Variants in PKN2 observed in about 807,000 individuals in gnomAD.
PKN2 encodes the protein protein kinase N2.
Under a neutral mutation model 119.1 loss-of-function variants are expected in PKN2, and 38 were observed. That is an observed-to-expected ratio of 0.32 (90% CI 0.25 to 0.42). PKN2 has a LOEUF of 0.42. Among genes scored for constraint, PKN2 ranks in the 10% least tolerant of loss-of-function variants. The probability of loss-of-function intolerance (pLI) is 1.00; values close to 1 mark genes in which losing one functional copy is unlikely to be tolerated. For synonymous variants in PKN2, 390 were observed against 384.9 expected (o/e 1.01, Z -0.15); for missense variants, 850 against 1,165.1 (o/e 0.73, Z 3.94).
At chr1:88,755,974 G>A (rs892819001) in intron 2 of PKN2, among the ~76,000 whole-genome samples, 7 of 150,048 alleles carry the variant, frequency 4.7e-5, no homozygotes, top group Non-Finnish European at 7.4e-5. Flanking sequence ...GTTCAGTGGC[G>A]CAATCTCCGC....
intron 1 of PKN2, among the ~76,000 whole-genome samples, chr1:88,728,378 A>T (rs1337311296): frequency 6.6e-6 from 1 of 152,142 alleles, no homozygotes; most frequent in Non-Finnish European, 1.5e-5. Flanking sequence ...AAGGAAAATA[A>T]ATACTACTTT....
At chr1:88,763,988 C>A (rs1669555991) in intron 3 of PKN2, among the ~76,000 whole-genome samples, 1 of 152,120 alleles carries the variant, frequency 6.6e-6, no homozygotes, top group African/African-American at 2.4e-5. Flanking sequence ...TAAATTATTA[C>A]CCTTGTGCAT....
intron 8 of PKN2, among the ~76,000 whole-genome samples, chr1:88,801,605 T>C (rs768379096): frequency 3.9e-5 from 6 of 152,114 alleles, no homozygotes; most frequent in African/African-American, 9.7e-5. Flanking sequence ...CTCCCACTTA[T>C]GTTGTGAAGA....
chr1:88,790,039 A>G (rs1249394345), intron 8 of PKN2, among the ~76,000 whole-genome samples: 1 of 151,926 alleles, frequency 6.6e-6, no homozygotes, highest in Non-Finnish European at 1.5e-5. Flanking sequence ...CTCTGAAACA[A>G]CTCTATGTAA....
At chr1:88,700,721 T>C (rs2100663614) in intron 1 of PKN2, among the ~76,000 whole-genome samples, 1 of 152,350 alleles carries the variant, frequency 6.6e-6, no homozygotes, top group Non-Finnish European at 1.5e-5. Context: ...CGTAAAACTA[T>C]GATCAAATAA....
At chr1:88,753,742 A>G (rs1190446942) in intron 2 of PKN2, among the ~76,000 whole-genome samples, 1 of 149,184 alleles carries the variant, frequency 6.7e-6, no homozygotes, top group Admixed American at 6.6e-5. Context: ...TGAGAACAGC[A>G]CCAAGGGGAT....
intron 1 of PKN2, among the ~76,000 whole-genome samples, chr1:88,723,409 T>TA (rs1667773071): frequency 8.6e-5 from 8 of 92,938 alleles, no homozygotes; most frequent in African/African-American, 3.0e-4. Context: ...CACCGTGCCC[T>TA]GCCCCCCCCC....
chr1:88,816,282 C>T (rs1208639140), intron 16 of PKN2, among the ~76,000 whole-genome samples: 2 of 151,960 alleles, frequency 1.3e-5, no homozygotes, highest in African/African-American at 4.8e-5. Flanking sequence ...AGTCTTGCTC[C>T]GTCTCCCAGG....
At chr1:88,747,061 A>T (rs148206607) in intron 2 of PKN2, among the ~76,000 whole-genome samples, 151 of 152,278 alleles carry the variant, frequency 9.9e-4, no homozygotes, top group African/African-American at 3.6e-3. Flanking sequence ...AAATTCATTG[A>T]CGTAGAAGAG....
intron 16 of PKN2, among the ~76,000 whole-genome samples, chr1:88,821,693 C>G (rs1672298398): frequency 6.6e-6 from 1 of 152,202 alleles, no homozygotes; most frequent in Non-Finnish European, 1.5e-5. Flanking sequence ...AGAACCAGAT[C>G]AAATGTCCCC....
intron 1 of PKN2, among the ~76,000 whole-genome samples, chr1:88,732,080 A>T (rs1668163232): frequency 6.6e-6 from 1 of 152,182 alleles, no homozygotes. Flanking sequence ...TGTAGTCTGT[A>T]GTTTGGTCCC....
intron 8 of PKN2, among the ~76,000 whole-genome samples, chr1:88,788,749 C>G (rs1334670571): frequency 6.6e-6 from 1 of 152,028 alleles, no homozygotes; most frequent in Non-Finnish European, 1.5e-5. Context: ...CTGGCCTAAT[C>G]CAGGATTCTT....
At chr1:88,751,873 CTG>C (rs149894909) in intron 2 of PKN2, among the ~76,000 whole-genome samples, 7,859 of 152,122 alleles carry the variant, frequency 0.052, 381 homozygotes, top group African/African-American at 0.12. Flanking sequence ...CACTTAGAAA[CTG>C]TTATTTCGTG....
At chr1:88,815,036 G>A (rs769624177) in intron 16 of PKN2, among the ~76,000 whole-genome samples, 5 of 152,172 alleles carry the variant, frequency 3.3e-5, no homozygotes, top group Non-Finnish European at 7.4e-5. Context: ...ATTTTAAAAG[G>A]AGGGAAAAGC....
chr1:88,831,879 G>A (rs1407950462), intron 19 of PKN2, among the ~76,000 whole-genome samples: 8 of 151,942 alleles, frequency 5.3e-5, no homozygotes. Context: ...TGATTTTTAA[G>A]CCATCTGAAA....
rs141013344 is a variant in PKN2 at position 88,764,997 on chromosome 1, A to G, written c.504+4621A>G. Among the ~76,000 whole-genome samples, 1,179 of 152,170 alleles carry G rather than the reference A, an allele frequency of 7.7e-3. 18 individuals carry two copies. The highest frequency in any genetic ancestry group is 0.027 in the African/African-American group (1,125 of 41,500). ...TCAAGTGCAGTGGCGCAATTGGCTCACTGCAACCTCTGCCTCCCAAATTCA... is the reference window on the plus strand; with the variant it reads ...TCAAGTGCAGTGGCGCAATTGGCTCGCTGCAACCTCTGCCTCCCAAATTCA... On this transcript the variant is annotated intron_variant, in intron 3 of 21. Coordinates refer to ENST00000370521, the MANE Select transcript of PKN2 (RefSeq NM_006256.4).
intron 1 of PKN2, among the ~76,000 whole-genome samples, chr1:88,695,403 A>G (rs1666502724): frequency 6.6e-6 from 1 of 151,972 alleles, no homozygotes; most frequent in African/African-American, 2.4e-5. Context: ...GTAATACCTC[A>G]CTTTTTCCTT....
chr1:88,737,455 G>A (rs1247254105), intron 1 of PKN2, among the ~76,000 whole-genome samples: 1 of 151,846 alleles, frequency 6.6e-6, no homozygotes, highest in African/African-American at 2.4e-5. Flanking sequence ...TTTTCCCCCA[G>A]TAGATGGAGG....
chr1:88,722,307 A>C (rs1271746217), intron 1 of PKN2, among the ~76,000 whole-genome samples: 2 of 152,174 alleles, frequency 1.3e-5, no homozygotes, highest in Non-Finnish European at 2.9e-5. Flanking sequence ...AATGGAAAGG[A>C]ACAATGACTT....
Sources: gnomAD v4.1 joint callset for allele counts (sites outside exome capture counted in the v4.1 genomes callset) on GRCh38, gnomAD v4.1.1 for gene constraint, MANE v1.5 for transcripts, NCBI Gene and HGNC (gene_info 2026-07-23, HGNC 2026-07-21) for gene names.